The following LOC128092252 variants were observed in gnomAD, a reference collection of about 807,000 sequenced individuals.
chr15:50,686,457 T>C, the LOC128092252 span: 12 of 1,613,256 alleles, frequency 7.4e-6, no homozygotes, highest in Non-Finnish European at 1.0e-5. Flanking sequence ...CCCACACACT[T>C]GCCTGCCAAG....
chr15:50,667,193 A>G, the LOC128092252 span, among the ~76,000 whole-genome samples: 10 of 152,174 alleles, frequency 6.6e-5, no homozygotes. Context: ...TGGATCAGAG[A>G]AACATGCTCT....
chr15:50,685,817 G>T, the LOC128092252 span, among the ~76,000 whole-genome samples: 1 of 152,098 alleles, frequency 6.6e-6, no homozygotes, highest in South Asian at 2.1e-4. Flanking sequence ...TTTAAAACAC[G>T]ATCAACTGTT....
the LOC128092252 span, among the ~76,000 whole-genome samples, chr15:50,684,820 TGAAA>T: frequency 2.6e-5 from 4 of 152,186 alleles, no homozygotes; most frequent in Admixed American, 6.5e-5. Context: ...TACTAGAGAC[TGAAA>T]GAGTTACCGA....
At chr15:50,663,788 C>T in the LOC128092252 span, among the ~76,000 whole-genome samples, 2 of 152,180 alleles carry the variant, frequency 1.3e-5, no homozygotes, top group South Asian at 4.1e-4. Flanking sequence ...CATGGTGAAA[C>T]GCCATCTCTA....
chr15:50,668,990 A>G, the LOC128092252 span, among the ~76,000 whole-genome samples: 6 of 152,186 alleles, frequency 3.9e-5, no homozygotes, highest in African/African-American at 1.4e-4. Context: ...TATCTTGTCT[A>G]CGCAGTCCCT....
At chr15:50,658,618 C>T in the LOC128092252 span, among the ~76,000 whole-genome samples, 1 of 151,082 alleles carries the variant, frequency 6.6e-6, no homozygotes, top group Non-Finnish European at 1.5e-5. Flanking sequence ...CAGAGAGAGT[C>T]TGGTATCTGT....
the LOC128092252 span, among the ~76,000 whole-genome samples, chr15:50,677,517 G>A: frequency 7.2e-5 from 11 of 151,938 alleles, no homozygotes; most frequent in African/African-American, 2.7e-4. Flanking sequence ...AAGGCAGGCG[G>A]ATCGCAAGGT....
At chr15:50,662,083 G>A in the LOC128092252 span, among the ~76,000 whole-genome samples, 35 of 152,182 alleles carry the variant, frequency 2.3e-4, no homozygotes, top group East Asian at 4.3e-3. Flanking sequence ...GGCTGGGCGC[G>A]GTGGCTCACG....
chr15:50,686,390 A>G, the LOC128092252 span: 2 of 1,409,176 alleles, frequency 1.4e-6, no homozygotes, highest in Non-Finnish European at 2.0e-6. Context: ...TCCCGAGAGG[A>G]CAAATCCGGA....
At chr15:50,648,980 T>G in the LOC128092252 span, 6 of 841,442 alleles carry the variant, frequency 7.1e-6, no homozygotes, top group Non-Finnish European at 8.5e-6. Flanking sequence ...ATATAAGCTT[T>G]AAAATTTTTA....
chr15:50,654,369 C>T, the LOC128092252 span, among the ~76,000 whole-genome samples: 1 of 151,126 alleles, frequency 6.6e-6, no homozygotes, highest in Non-Finnish European at 1.5e-5. Flanking sequence ...ATTGCTTGAA[C>T]CCGGGAGGCA....
At chr15:50,683,606 C>T in the LOC128092252 span, among the ~76,000 whole-genome samples, 1 of 151,980 alleles carries the variant, frequency 6.6e-6, no homozygotes, top group Non-Finnish European at 1.5e-5. Context: ...TGGTGGTGGA[C>T]GCCTGTAATC....
At chr15:50,658,230 C>T in the LOC128092252 span, among the ~76,000 whole-genome samples, 3 of 152,028 alleles carry the variant, frequency 2.0e-5, no homozygotes, top group Non-Finnish European at 4.4e-5. Context: ...TGGTCTCGAT[C>T]TCCTGACCTT....
chr15:50,669,822 A>G, the LOC128092252 span, among the ~76,000 whole-genome samples: 1 of 152,150 alleles, frequency 6.6e-6, no homozygotes, highest in Non-Finnish European at 1.5e-5. Flanking sequence ...ATCTGGATCA[A>G]TATTCTAATT....
At chr15:50,660,424 G>A in the LOC128092252 span, among the ~76,000 whole-genome samples, 2 of 152,024 alleles carry the variant, frequency 1.3e-5, no homozygotes, top group South Asian at 4.1e-4. Context: ...AGGCTGAGGC[G>A]GGCAGATTAT....
chr15:50,650,354 A>ATGAC, the LOC128092252 span, among the ~76,000 whole-genome samples: 2 of 152,096 alleles, frequency 1.3e-5, no homozygotes, highest in Admixed American at 6.6e-5. Context: ...CACAAGGCTT[A>ATGAC]TGACAGGGTC....
At chr15:50,653,567 G>A in the LOC128092252 span, among the ~76,000 whole-genome samples, 1 of 152,168 alleles carries the variant, frequency 6.6e-6, no homozygotes, top group South Asian at 2.1e-4. Context: ...TTGAAATGAG[G>A]GAAACACATG....
chr15:50,651,806 G>A, the LOC128092252 span, among the ~76,000 whole-genome samples: 1 of 151,934 alleles, frequency 6.6e-6, no homozygotes, highest in Non-Finnish European at 1.5e-5. Context: ...AGAATTACTT[G>A]AACCCAGGAG....
At chr15:50,658,767 T>C in the LOC128092252 span, among the ~76,000 whole-genome samples, 1 of 152,244 alleles carries the variant, frequency 6.6e-6, no homozygotes, top group South Asian at 2.1e-4. Flanking sequence ...ACGTATAAAA[T>C]GAAAATTGTA....
Sources: gnomAD v4.1 joint callset for allele counts (sites outside exome capture counted in the v4.1 genomes callset) on GRCh38, gnomAD v4.1.1 for gene constraint, MANE v1.5 for transcripts.